BCAS3: variants seen among roughly 807,000 people sequenced by gnomAD.
BCAS3 encodes BCAS4/BCAS3 fusion.
A neutral mutation model predicts 116.1 loss-of-function variants in BCAS3; 53 were observed. The ratio of observed to expected loss-of-function variants is 0.46; its 90% CI spans 0.37 to 0.57. BCAS3 has a LOEUF of 0.57. Among genes scored for constraint, BCAS3 ranks in the 20% least tolerant of loss-of-function variants. BCAS3 has a pLI of 0.00. For synonymous variants in BCAS3, 391 were observed against 408.2 expected (o/e 0.96, Z 0.51); for missense variants, 917 against 1,165.4 (o/e 0.79, Z 3.10).
In BCAS3 at chr17:61,323,387, T is replaced by G. The variant is rs929351148; in HGVS notation, c.2426-44940T>G. Among the ~76,000 whole-genome samples the G allele has an allele frequency of 1.3e-5, 2 of 152,068 alleles. No individual in the cohort carries two copies. Among genetic ancestry groups the G allele is most frequent in the African/African-American group, 4.8e-5 (2 of 41,406 alleles). ...GCAGTGAGCAGTTAGCATAAGGGAGTTCCAGCCCCGGGTTCTAGTCTCAGC... is the reference window on the plus strand; with the variant it reads ...GCAGTGAGCAGTTAGCATAAGGGAGGTCCAGCCCCGGGTTCTAGTCTCAGC... On this transcript the variant is annotated intron_variant, in intron 22 of 23. Coordinates refer to ENST00000407086, the MANE Select transcript of BCAS3 (RefSeq NM_017679.5). The surrounding 1 kb of genome is among the most constrained non-coding windows in gnomAD (Gnocchi z 4.6).
At chr17:61,283,876 G>A (rs886496158) in intron 22 of BCAS3, among the ~76,000 whole-genome samples, 1 of 152,186 alleles carries the variant, frequency 6.6e-6, no homozygotes, top group Non-Finnish European at 1.5e-5. Flanking sequence ...CAGTCCTCCT[G>A]CCTCAGCCCC....
Position 61,103,929 on chromosome 17 carries a change from T to C in BCAS3, c.2425+19365T>C, listed in dbSNP as rs557119178. Among the ~76,000 whole-genome samples, 8 of 152,304 alleles carry C rather than the reference T, an allele frequency of 5.3e-5. No individual in the cohort carries two copies. In the East Asian group the frequency reaches 1.2e-3, roughly 22 times the overall value. ...TCTTTCGCCTGGGTGAGACTTTTCA[T>C]TGGGATCCTGGAAGTGTTGGGATGT... On this transcript the variant is annotated intron_variant, in intron 22 of 23. Coordinates refer to ENST00000407086, the MANE Select transcript of BCAS3 (RefSeq NM_017679.5).
In BCAS3 at chr17:61,056,134, G is replaced by A. The variant is rs1000997379; in HGVS notation, c.2029+15242G>A. Among the ~76,000 whole-genome samples the A allele has an allele frequency of 2.0e-5, 3 of 152,340 alleles. No homozygotes were observed. Among genetic ancestry groups the A allele is most frequent in the Middle Eastern group, 3.4e-3 (1 of 294 alleles). Reference sequence around the variant, plus strand: ...TGGACCACCTGCCAGAAAGCTTTGCGTATGTACTTGTTCTGTCTCCAGCTC... The same window carrying A: ...TGGACCACCTGCCAGAAAGCTTTGCATATGTACTTGTTCTGTCTCCAGCTC... On this transcript the variant is annotated intron_variant, in intron 19 of 23. Coordinates refer to ENST00000407086, the MANE Select transcript of BCAS3 (RefSeq NM_017679.5). The surrounding 1 kb of genome is among the most constrained non-coding windows in gnomAD (Gnocchi z 4.9).
At chr17:61,001,062 C>T (rs2064203226) in intron 15 of BCAS3, among the ~76,000 whole-genome samples, 1 of 152,124 alleles carries the variant, frequency 6.6e-6, no homozygotes. Context: ...TTCTGCAGTT[C>T]TCTAGAGTTC....
intron 22 of BCAS3, among the ~76,000 whole-genome samples, chr17:61,360,472 A>G (rs2058396409): frequency 6.6e-6 from 1 of 152,148 alleles, no homozygotes; most frequent in East Asian, 1.9e-4. Context: ...ATTCTCTTGT[A>G]TTTCTGGAGG....
At chr17:60,868,480 T>C in intron 7 of BCAS3, 96 bp from the exon 8 acceptor site, 1 of 599,844 alleles carries the variant, frequency 1.7e-6, no homozygotes, top group East Asian at 3.4e-5. Context: ...ATCTTGTTAA[T>C]CAGAGGTTTG....
At position 61,339,684 on chromosome 17, in the gene BCAS3, C is replaced by T. The variant is rs902342077; in HGVS notation, c.2426-28643C>T. Reference sequence around the variant, plus strand: ...GGGAGGCTGAGGCAGGAGAATCGCTCGAACCTAGGAGGTGGCGGTTACAGT... The same window carrying T: ...GGGAGGCTGAGGCAGGAGAATCGCTTGAACCTAGGAGGTGGCGGTTACAGT... On this transcript the variant is annotated intron_variant, in intron 22 of 23. Coordinates refer to ENST00000407086, the MANE Select transcript of BCAS3 (RefSeq NM_017679.5). The surrounding 1 kb of genome is among the most constrained non-coding windows in gnomAD (Gnocchi z 4.4). Among the ~76,000 whole-genome samples, 4 of 151,440 alleles carry T rather than the reference C, an allele frequency of 2.6e-5. No individual in the cohort carries two copies. The highest frequency in any genetic ancestry group is 5.9e-5 in the Non-Finnish European group (4 of 67,924).
intron 14 of BCAS3, chr17:60,986,757 T>C (rs192412627): frequency 2.0e-4 from 31 of 152,336 alleles, no homozygotes; most frequent in African/African-American, 7.5e-4. Flanking sequence ...ATGGACAGTT[T>C]ATAAATATTT....
chr17:61,111,477 A>G (rs1312383370), intron 22 of BCAS3, among the ~76,000 whole-genome samples: 1 of 152,022 alleles, frequency 6.6e-6, no homozygotes, highest in Admixed American at 6.5e-5. Context: ...ACTGGAAGAA[A>G]GGGTATCAGC....
rs1343437264 is a variant in BCAS3, at chr17:60,947,216, C to G, written c.1088-3C>G. On this transcript the variant is annotated splice_region_variant and splice_polypyrimidine_tract_variant and intron_variant, in intron 13 of 23. Coordinates refer to ENST00000407086, the MANE Select transcript of BCAS3 (RefSeq NM_017679.5). ...TTTTTACCCTTTGTTTTTTGTCTTC[C>G]AGGAATGCTTCTAGTCACAACAGAC... 1 of 1,607,170 alleles carries G rather than the reference C, an allele frequency of 6.2e-7. No homozygotes were observed. The highest frequency in any genetic ancestry group is 8.5e-7 in the Non-Finnish European group (1 of 1,176,560).
chr17:60,682,236 G>T (rs2033268395), intron 2 of BCAS3, among the ~76,000 whole-genome samples: 1 of 152,174 alleles, frequency 6.6e-6, no homozygotes, highest in South Asian at 2.1e-4. Flanking sequence ...AAGGGAAGGG[G>T]ATGGGAAGGA....
At position 61,069,753 on chromosome 17, in the gene BCAS3, G is replaced by T. The variant is rs182376746; in HGVS notation, c.2030-5167G>T. On this transcript the variant is annotated intron_variant, in intron 19 of 23. Transcript: ENST00000407086. ...CTCAGGAGGCTGAGGTGGGAGGATC[G>T]CTTGAACACAAGGTGGAGGCTGCAG... The T allele has an allele frequency of 8.4e-4, 519 of 616,314 alleles. 3 individuals are homozygous for T. Among genetic ancestry groups the T allele is most frequent in the Non-Finnish European group, 7.2e-4 (254 of 350,944 alleles). The allele number at this position is 616,314 out of a possible 1,614,324, so 38.2% of individuals were successfully genotyped here.
At position 61,188,051 on chromosome 17, in the gene BCAS3, C is replaced by T. The variant is rs950686705; in HGVS notation, c.2425+103487C>T. Among the ~76,000 whole-genome samples, 1 of 152,118 alleles carries T rather than the reference C, an allele frequency of 6.6e-6. No homozygotes were observed. Among genetic ancestry groups the T allele is most frequent in the East Asian group, 1.9e-4 (1 of 5,196 alleles). ...AATTTAAAAATGTTCCTGTCTTTAA[C>T]ATTCATCTTCCAGTGTACAAATGCA... On this transcript the variant is annotated intron_variant, in intron 22 of 23. Transcript: ENST00000407086. The surrounding 1 kb of genome is among the most constrained non-coding windows in gnomAD (Gnocchi z 4.0).
intron 7 of BCAS3, among the ~76,000 whole-genome samples, chr17:60,860,758 A>G (rs548647090): frequency 1.3e-4 from 20 of 152,052 alleles, no homozygotes; most frequent in African/African-American, 4.1e-4. Context: ...TTTTTTCCCT[A>G]TTGTTTGTTA....
intron 15 of BCAS3, among the ~76,000 whole-genome samples, chr17:60,997,360 G>A (rs1157942497): frequency 6.6e-6 from 1 of 152,150 alleles, no homozygotes; most frequent in Non-Finnish European, 1.5e-5. Flanking sequence ...GGTCCCAGTG[G>A]ATTTTAGTAA....
intron 6 of BCAS3, among the ~76,000 whole-genome samples, chr17:60,778,240 A>G (rs905845698): frequency 2.0e-4 from 31 of 151,606 alleles, no homozygotes; most frequent in African/African-American, 6.1e-4. Flanking sequence ...CTGTAACACT[A>G]TGGTCTTTAG....
chr17:60,976,020 C>CTTTTTGTTTTTTTTTTTTTT (rs2062326324), intron 14 of BCAS3, among the ~76,000 whole-genome samples: 1 of 98,286 alleles, frequency 1.0e-5, no homozygotes. Flanking sequence ...TAGATTTTTG[C>CTTTTTGTTTTTTTTTTTTTT]TTTTTTTTTT....
intron 7 of BCAS3, among the ~76,000 whole-genome samples, chr17:60,865,846 G>A (rs567065589): frequency 6.6e-6 from 1 of 152,236 alleles, no homozygotes; most frequent in South Asian, 2.1e-4. Flanking sequence ...TGACCTTATG[G>A]GGAAGGTGTT....
rs1373917222 is a variant in BCAS3 at position 61,128,502 on chromosome 17, A to T, written c.2425+43938A>T. The T allele has an allele frequency of 2.0e-6, 2 of 985,288 alleles. No homozygotes were observed. Among genetic ancestry groups the T allele is most frequent in the Non-Finnish European group, 2.4e-6 (2 of 829,912 alleles). 61.0% of individuals were successfully genotyped at this position (985,288 alleles called of 1,614,324 possible). A position where few individuals can be genotyped will look rare whatever the true frequency, so the allele number is the denominator to read the frequency against. On this transcript the variant is annotated intron_variant, in intron 22 of 23. Transcript: ENST00000407086. This position sits in a 1 kb window ranked among gnomAD's most constrained non-coding sequence, Gnocchi z 4.1. Reference sequence around the variant, plus strand: ...TTTTCAAAGACAGAGGTTAACAAGCAATGGACAAACCTTCCGTTCTTCTCT... The same window carrying T: ...TTTTCAAAGACAGAGGTTAACAAGCTATGGACAAACCTTCCGTTCTTCTCT...
Sources: gnomAD v4.1 joint callset for allele counts (sites outside exome capture counted in the v4.1 genomes callset) on GRCh38, gnomAD v4.1.1 for gene constraint, Gnocchi (gnomAD v3.1) non-coding constraint, MANE v1.5 for transcripts, NCBI Gene and HGNC (gene_info 2026-07-23, HGNC 2026-07-21) for gene names.